The following TYW1 variants were observed in gnomAD, a reference collection of about 807,000 sequenced individuals.
The protein encoded by TYW1 is S-adenosyl-L-methionine-dependent tRNA 4-demethylwyosine synthase TYW1.
A neutral mutation model predicts 96.2 loss-of-function variants in TYW1; 46 were observed. The observed-to-expected ratio is 0.48, with a 90% CI of 0.38 to 0.61. The LOEUF (loss-of-function observed/expected upper bound fraction) is 0.61, where lower values mean the gene tolerates loss of function less well. Among genes scored for constraint, TYW1 ranks in the 20% least tolerant of loss-of-function variants. The pLI, the probability that TYW1 is intolerant of heterozygous loss-of-function variation, is 0.00. For synonymous variants in TYW1, 274 were observed against 323.0 expected (o/e 0.85, Z 1.63); for missense variants, 684 against 909.6 (o/e 0.75, Z 3.19).
At chr7:67,173,510 G>A (rs1476571892) in intron 13 of TYW1, among the ~76,000 whole-genome samples, 3 of 152,178 alleles carry the variant, frequency 2.0e-5, no homozygotes, top group Non-Finnish European at 4.4e-5. Flanking sequence ...CAATCAAGTG[G>A]CACACAACAT....
intron 14 of TYW1, among the ~76,000 whole-genome samples, chr7:67,186,451 G>C (rs1172882706): frequency 1.3e-5 from 2 of 152,090 alleles, no homozygotes; most frequent in Admixed American, 1.3e-4. Context: ...ACATCACTAG[G>C]AAATAGATAA....
At chr7:67,225,856 G>C (rs1452391197) in intron 15 of TYW1, among the ~76,000 whole-genome samples, 1 of 150,066 alleles carries the variant, frequency 6.7e-6, no homozygotes. Context: ...ATGGTTCCAC[G>C]GGCAACTGTT....
At chr7:67,013,273 C>G (rs1288845286) in intron 4 of TYW1, among the ~76,000 whole-genome samples, 1 of 152,054 alleles carries the variant, frequency 6.6e-6, no homozygotes, top group Non-Finnish European at 1.5e-5. Flanking sequence ...CAGGCACCCA[C>G]TACCACGCTT....
chr7:67,024,348 G>A (rs556885392), intron 6 of TYW1, among the ~76,000 whole-genome samples: 1 of 151,882 alleles, frequency 6.6e-6, no homozygotes, highest in African/African-American at 2.4e-5. Context: ...ACATTTTTTT[G>A]TAGCAATGTG....
intron 10 of TYW1, among the ~76,000 whole-genome samples, chr7:67,070,109 A>G (rs936659412): frequency 4.6e-5 from 7 of 152,150 alleles, no homozygotes; most frequent in South Asian, 2.1e-4. Context: ...TAATTTTACT[A>G]AGGATCCCTT....
chr7:67,238,430 T>C lies in TYW1; in HGVS notation c.2100T>C (p.Thr700=). 1 of 1,613,898 alleles carries C rather than the reference T, an allele frequency of 6.2e-7. No individual in the cohort carries two copies. The highest frequency in any genetic ancestry group is 8.5e-7 in the Non-Finnish European group (1 of 1,179,864). Residue 700 remains threonine, a synonymous_variant, in exon 16 of 16, where the codon ACT becomes ACC. Transcript: ENST00000359626. The stretch of plus-strand genomic sequence containing the variant: ...GCGCAAAGGATTATATGGCCAGAAC[T>C]CCTCACTGGGCATTATTTGGTGCCA... ...TFSAKDYMAR[T]PHWALFGASE...
At position 67,084,022 on chromosome 7, in the gene TYW1, C is replaced by T. The variant is rs550670737; in HGVS notation, c.1384+483C>T. Among the ~76,000 whole-genome samples the T allele has an allele frequency of 1.8e-4, 28 of 152,154 alleles. No homozygotes were observed. The East Asian group carries it at 5.0e-3, about 27-fold the overall frequency. On this transcript the variant is annotated intron_variant, in intron 11 of 15. Transcript: ENST00000359626. ...TCCACTCCAACCTGGGCAAAAAGAG[C>T]GAAACTCCATCTCAGAAATAAATAA...
At chr7:67,144,557 C>T (rs1171048733) in intron 13 of TYW1, among the ~76,000 whole-genome samples, 3 of 152,100 alleles carry the variant, frequency 2.0e-5, no homozygotes, top group Admixed American at 1.3e-4. Context: ...CTGCAGCCTC[C>T]ACCTCCCGAC....
chr7:67,220,201 A>ATTTTTTTTTTTTTTTTTTTTTTTT (rs57595328), intron 15 of TYW1, among the ~76,000 whole-genome samples: 2 of 93,170 alleles, frequency 2.1e-5, no homozygotes, highest in African/African-American at 4.5e-5. Flanking sequence ...TCATTTATTG[A>ATTTTTTTTTTTTTTTTTTTTTTTT]TTTTTTTTTT....
intron 15 of TYW1, among the ~76,000 whole-genome samples, chr7:67,220,742 C>CT (rs57839783): frequency 0.27 from 38,741 of 144,674 alleles, 5,423 homozygotes; most frequent in African/African-American, 0.36. Context: ...CTTTCTTTTT[C>CT]TTTTTTTTTT....
chr7:67,089,004 G>A (rs911571641), intron 11 of TYW1, among the ~76,000 whole-genome samples: 21 of 152,236 alleles, frequency 1.4e-4, no homozygotes, highest in African/African-American at 5.1e-4. Flanking sequence ...TTCCTTCGTA[G>A]TTTGTGATAT....
intron 13 of TYW1, among the ~76,000 whole-genome samples, chr7:67,145,652 A>G (rs771406403): frequency 2.0e-5 from 3 of 152,102 alleles, no homozygotes; most frequent in Non-Finnish European, 4.4e-5. Flanking sequence ...TTGGGTATAT[A>G]TTTCCTATGG....
intron 11 of TYW1, among the ~76,000 whole-genome samples, chr7:67,092,870 A>G (rs909336406): frequency 4.0e-5 from 6 of 151,578 alleles, no homozygotes; most frequent in Non-Finnish European, 7.4e-5. Flanking sequence ...TTTTTGGTAG[A>G]GATGGGGTTT....
chr7:67,181,013 T>A (rs899291614), intron 13 of TYW1, among the ~76,000 whole-genome samples: 11 of 152,032 alleles, frequency 7.2e-5, no homozygotes, highest in African/African-American at 2.7e-4. Flanking sequence ...TTTTTTTTTT[T>A]AATGTTAAGG....
intron 7 of TYW1, among the ~76,000 whole-genome samples, chr7:67,037,879 G>A (rs192573305): frequency 7.9e-4 from 120 of 152,260 alleles, no homozygotes; most frequent in African/African-American, 2.9e-3. Context: ...TTTAAAATTA[G>A]CATCTTTCTC....
chr7:67,062,404 T>TA (rs1678109018), intron 9 of TYW1, among the ~76,000 whole-genome samples: 2 of 146,936 alleles, frequency 1.4e-5, no homozygotes, highest in East Asian at 3.9e-4. Context: ...GACTCTGTCT[T>TA]AAAAGAAAAA....
intron 11 of TYW1, among the ~76,000 whole-genome samples, chr7:67,095,283 G>A (rs1389444101): frequency 6.6e-6 from 1 of 152,046 alleles, no homozygotes; most frequent in Non-Finnish European, 1.5e-5. Context: ...ACAGGCATGA[G>A]CTGCCGTGCC....
chr7:67,002,945 A>G (rs1584450142), intron 3 of TYW1, among the ~76,000 whole-genome samples: 1 of 139,316 alleles, frequency 7.2e-6, no homozygotes, highest in Non-Finnish European at 1.5e-5. Flanking sequence ...GGATTTTTGT[A>G]TTTTTAGTGG....
At chr7:67,011,359 G>A (rs1793790016) in intron 4 of TYW1, among the ~76,000 whole-genome samples, 1 of 152,200 alleles carries the variant, frequency 6.6e-6, no homozygotes, top group Non-Finnish European at 1.5e-5. Context: ...TATCTATGAG[G>A]GTTTAATTTC....
Sources: gnomAD v4.1 joint callset for allele counts (sites outside exome capture counted in the v4.1 genomes callset) on GRCh38, gnomAD v4.1.1 for gene constraint, MANE v1.5 for transcripts, NCBI Gene and HGNC (gene_info 2026-07-23, HGNC 2026-07-21) for gene names.